Variants in EDNRB observed in about 807,000 individuals in gnomAD.
The protein encoded by EDNRB is Hirschsprung disease 2.
In EDNRB, 18 loss-of-function variants were observed where a neutral mutation model predicts 46.4. The observed-to-expected ratio is 0.39, with a 90% CI of 0.27 to 0.57. The LOEUF (loss-of-function observed/expected upper bound fraction) is 0.57, where lower values mean the gene tolerates loss of function less well. Ranked by LOEUF, EDNRB falls within the 20% of genes least tolerant of loss-of-function variation. The probability of loss-of-function intolerance (pLI) is 0.61; values close to 1 mark genes in which losing one functional copy is unlikely to be tolerated. For synonymous variants in EDNRB, 213 were observed against 204.9 expected (o/e 1.04, Z -0.34); for missense variants, 434 against 537.5 (o/e 0.81, Z 1.90).
chr13:77,916,293 C>T (rs975015254), intron 1 of EDNRB, among the ~76,000 whole-genome samples: 8 of 152,154 alleles, frequency 5.3e-5, no homozygotes, highest in Admixed American at 3.9e-4. Context: ...GTTCTCAATT[C>T]GGTTTTGATG....
chr13:77,973,937 CTTTTT>C (rs56943468), intron 1 of EDNRB, among the ~76,000 whole-genome samples: 1 of 143,398 alleles, frequency 7.0e-6, no homozygotes, highest in Non-Finnish European at 1.5e-5. Flanking sequence ...CCCTTTTTTC[CTTTTT>C]TTTTTTTTGA....
At chr13:77,957,424 A>G (rs759270688) in intron 1 of EDNRB, among the ~76,000 whole-genome samples, 7 of 152,322 alleles carry the variant, frequency 4.6e-5, no homozygotes, top group Admixed American at 2.6e-4. Flanking sequence ...AATTTTGACT[A>G]CTTTTATGTT....
intron 1 of EDNRB, among the ~76,000 whole-genome samples, chr13:77,960,860 G>GAAAAA (rs34344431): frequency 8.7e-6 from 1 of 115,574 alleles, no homozygotes; most frequent in African/African-American, 3.3e-5. Context: ...CAAGCAAATG[G>GAAAAA]AAAAAAAAAA....
chr13:77,971,065 G>A (rs113265049), intron 1 of EDNRB, among the ~76,000 whole-genome samples: 2,413 of 152,240 alleles, frequency 0.016, 39 homozygotes, highest in South Asian at 0.054. Context: ...TCCCATCCAC[G>A]TATAACTCTC....
At chr13:77,947,334 C>T (rs892484266) in intron 1 of EDNRB, among the ~76,000 whole-genome samples, 1 of 150,200 alleles carries the variant, frequency 6.7e-6, no homozygotes, top group African/African-American at 2.5e-5. Flanking sequence ...CATGGTTTTG[C>T]CATGTTGGGC....
intron 1 of EDNRB, among the ~76,000 whole-genome samples, chr13:77,945,356 A>G (rs1274113338): frequency 6.6e-6 from 1 of 152,206 alleles, no homozygotes; most frequent in Non-Finnish European, 1.5e-5. Flanking sequence ...CTGATTCCCA[A>G]GACAGTGATG....
intron 1 of EDNRB, among the ~76,000 whole-genome samples, chr13:77,942,085 C>T (rs1272343231): frequency 6.6e-6 from 1 of 152,118 alleles, no homozygotes; most frequent in Admixed American, 6.6e-5. Context: ...AAATCCCTAC[C>T]ACCTTTTTCA....
At chr13:77,901,260 A>G in intron 3 of EDNRB, 53 bp from the exon 4 acceptor site, 1 of 1,581,966 alleles carries the variant, frequency 6.3e-7, no homozygotes, top group Non-Finnish European at 8.6e-7. Context: ...AGAAAATCTT[A>G]TATAACAAAT....
In EDNRB at chr13:77,896,867, G is replaced by C. The variant is rs199592672; in HGVS notation, c.*1333C>G. The C allele has an allele frequency of 1.6e-5, 16 of 1,027,836 alleles. No individual in the cohort carries two copies. In the African/African-American group the frequency reaches 2.7e-4, roughly 18 times the overall value. The allele number at this position is 1,027,836 out of a possible 1,614,324, so 63.7% of individuals were successfully genotyped here. A position where few individuals can be genotyped will look rare whatever the true frequency, so the allele number is the denominator to read the frequency against. On this transcript the variant is annotated 3_prime_UTR_variant, in exon 7 of 7. Transcript: ENST00000646607. ...CTTTGCTTAGAAGATATAAAAATTA[G>C]GCAGGAACGCACAAAGCTAAGAGGT...
chr13:77,923,383 G>A (rs925837299), upstream of EDNRB, among the ~76,000 whole-genome samples: 1 of 152,018 alleles, frequency 6.6e-6, no homozygotes, highest in African/African-American at 2.4e-5. Context: ...CAGAACTTTT[G>A]TAACAACTTT....
chr13:77,968,119 C>A (rs1256986503), intron 1 of EDNRB, among the ~76,000 whole-genome samples: 2 of 151,926 alleles, frequency 1.3e-5, no homozygotes, highest in Admixed American at 6.6e-5. Flanking sequence ...CAATGAAAAT[C>A]ATGAAATATA....
chr13:77,897,893 A>G lies in EDNRB; in HGVS notation c.*307T>C. On this transcript the variant is annotated 3_prime_UTR_variant, in exon 7 of 7. Coordinates refer to ENST00000646607, the MANE Select transcript of EDNRB (RefSeq NM_001122659.3). Reference sequence around the variant, plus strand: ...AAGAATAGAAATTCTGAGTGAGCTCATTTTTAAGCCTAAGTGTTGTGTGAA... The same window carrying G: ...AAGAATAGAAATTCTGAGTGAGCTCGTTTTTAAGCCTAAGTGTTGTGTGAA... 9.4e-7 allele frequency: 1 copy of G among 1,061,540 alleles called. No homozygotes were observed. The highest frequency in any genetic ancestry group is 1.7e-5 in the African/African-American group (1 of 59,346). The allele number at this position is 1,061,540 out of a possible 1,614,324, so 65.8% of individuals were successfully genotyped here.
At chr13:77,928,866 C>T (rs1207711715) in intron 1 of EDNRB, among the ~76,000 whole-genome samples, 1 of 152,156 alleles carries the variant, frequency 6.6e-6, no homozygotes, top group Non-Finnish European at 1.5e-5. Context: ...ATGTCAAATG[C>T]TTAATTTAAA....
chr13:77,945,146 G>T (rs185965200), intron 1 of EDNRB, among the ~76,000 whole-genome samples: 3 of 152,066 alleles, frequency 2.0e-5, no homozygotes, highest in Non-Finnish European at 4.4e-5. Flanking sequence ...TCAGTCTCAG[G>T]GTTGCATGGC....
chr13:77,963,943 A>G (rs1346302431), intron 1 of EDNRB, among the ~76,000 whole-genome samples: 2 of 152,236 alleles, frequency 1.3e-5, no homozygotes, highest in African/African-American at 4.8e-5. Flanking sequence ...AAACAACCCC[A>G]TCAAAAACTG....
chr13:77,943,585 G>C (rs1431749003), intron 1 of EDNRB, among the ~76,000 whole-genome samples: 2 of 151,978 alleles, frequency 1.3e-5, no homozygotes, highest in African/African-American at 4.8e-5. Context: ...CATTCAGCTA[G>C]GTATGCTGTA....
intron 5 of EDNRB, 35 bp from the exon 6 acceptor site, chr13:77,900,002 T>G: frequency 6.4e-7 from 1 of 1,559,034 alleles, no homozygotes; most frequent in South Asian, 1.1e-5. Flanking sequence ...GTCTGAAAAA[T>G]ATGCTATTCT....
chr13:77,941,657 G>A (rs1043777661), intron 1 of EDNRB, among the ~76,000 whole-genome samples: 2 of 150,840 alleles, frequency 1.3e-5, no homozygotes, highest in African/African-American at 2.4e-5. Flanking sequence ...GGAACAGAAC[G>A]ATGGTTTAAC....
At chr13:77,941,832 A>G (rs1880757340) in intron 1 of EDNRB, among the ~76,000 whole-genome samples, 1 of 152,232 alleles carries the variant, frequency 6.6e-6, no homozygotes. Flanking sequence ...TGTCGAGAAT[A>G]CTGAGTTATA....
Sources: allele counts gnomAD v4.1 joint callset (sites outside exome capture counted in the v4.1 genomes callset), GRCh38; gene constraint gnomAD v4.1.1; transcripts MANE v1.5; gene names NCBI Gene and HGNC (gene_info 2026-07-23, HGNC 2026-07-21).